Variants in EYA4 observed in about 807,000 individuals in gnomAD.
EYA4 encodes protein phosphatase EYA4.
A neutral mutation model predicts 87.9 loss-of-function variants in EYA4; 31 were observed. The observed-to-expected ratio is 0.35, with a 90% CI of 0.27 to 0.48. The LOEUF (loss-of-function observed/expected upper bound fraction) is 0.48, where lower values mean the gene tolerates loss of function less well. EYA4 is among the 20% of genes least tolerant of loss of function. The pLI, the probability that EYA4 is intolerant of heterozygous loss-of-function variation, is 0.99. For synonymous variants in EYA4, 263 were observed against 270.6 expected (o/e 0.97, Z 0.28); for missense variants, 678 against 761.4 (o/e 0.89, Z 1.29).
At chr6:133,480,403 A>G (rs1055321626) in intron 11 of EYA4, among the ~76,000 whole-genome samples, 2 of 152,192 alleles carry the variant, frequency 1.3e-5, no homozygotes, top group Non-Finnish European at 2.9e-5. Flanking sequence ...AACTGAAGCT[A>G]GATTATGATA....
chr6:133,445,782 G>A (rs558932260), intron 3 of EYA4, among the ~76,000 whole-genome samples: 27 of 151,934 alleles, frequency 1.8e-4, no homozygotes, highest in South Asian at 1.2e-3. Flanking sequence ...GGGTTTCACC[G>A]TGTTAGCCAG....
At chr6:133,487,949 G>GGA (rs1165535454) in intron 13 of EYA4, among the ~76,000 whole-genome samples, 5 of 152,104 alleles carry the variant, frequency 3.3e-5, no homozygotes, top group Admixed American at 6.5e-5. Context: ...CTGATTCCAG[G>GGA]CCATGGCTCT....
chr6:133,367,285 G>A (rs959703198), intron 2 of EYA4, among the ~76,000 whole-genome samples: 98 of 152,292 alleles, frequency 6.4e-4, no homozygotes, highest in African/African-American at 2.2e-3. Flanking sequence ...TAGAAGACAC[G>A]AAGAAAGGAA....
intron 17 of EYA4, among the ~76,000 whole-genome samples, chr6:133,516,143 G>T (rs937835184): frequency 6.6e-6 from 1 of 152,064 alleles, no homozygotes; most frequent in Non-Finnish European, 1.5e-5. Context: ...TCTGAGTTAG[G>T]TGAATAAATA....
intron 2 of EYA4, among the ~76,000 whole-genome samples, chr6:133,364,038 T>C (rs558198838): frequency 6.6e-6 from 1 of 152,338 alleles, no homozygotes; most frequent in South Asian, 2.1e-4. Context: ...AACCTAATGG[T>C]ATCCAGTGGG....
intron 2 of EYA4, among the ~76,000 whole-genome samples, chr6:133,366,694 A>C (rs888282595): frequency 1.3e-5 from 2 of 150,960 alleles, no homozygotes; most frequent in African/African-American, 4.9e-5. Context: ...TGATTTGTTA[A>C]GTGTTTAACT....
chr6:133,332,380 C>CCCACT (rs377433684), intron 2 of EYA4, among the ~76,000 whole-genome samples: 61 of 152,306 alleles, frequency 4.0e-4, no homozygotes, highest in African/African-American at 1.4e-3. Context: ...CAAGGCTTCT[C>CCCACT]CCACTCCTTC....
rs1239110443 is a variant in EYA4, at chr6:133,348,169, C to G, written c.34-34223C>G. Among the ~76,000 whole-genome samples the G allele has an allele frequency of 1.8e-4, 27 of 148,754 alleles. No homozygotes were observed. In the Admixed American group the frequency reaches 1.8e-3, roughly 10 times the overall value. On this transcript the variant is annotated intron_variant, in intron 2 of 19. Transcript: ENST00000355286. The stretch of plus-strand genomic sequence containing the variant: ...AGTAATGCAAAGTTTTCTACCCATT[C>G]TTGCTTAAACATAAATTTTGAAGCC...
At chr6:133,285,146 G>A (rs1004507687) in intron 2 of EYA4, among the ~76,000 whole-genome samples, 4 of 150,448 alleles carry the variant, frequency 2.7e-5, no homozygotes, top group South Asian at 2.1e-4. Flanking sequence ...ACAGGCACCC[G>A]CCACCACGCC....
At chr6:133,385,910 A>G (rs183644855) in intron 3 of EYA4, among the ~76,000 whole-genome samples, 3 of 152,318 alleles carry the variant, frequency 2.0e-5, no homozygotes, top group Admixed American at 6.5e-5. Context: ...TTGAAATAGC[A>G]TTACATGTAT....
intron 3 of EYA4, among the ~76,000 whole-genome samples, chr6:133,437,654 G>T (rs1020215285): frequency 2.6e-5 from 4 of 152,166 alleles, no homozygotes; most frequent in South Asian, 2.1e-4. Flanking sequence ...TTACAGTTCC[G>T]CATGGCTGGG....
Position 133,529,193 on chromosome 6 carries a change from G to A in EYA4, c.*388G>A, listed in dbSNP as rs1042582068. The A allele has an allele frequency of 1.7e-6, 2 of 1,153,610 alleles. No homozygotes were observed. The highest frequency in any genetic ancestry group is 4.2e-5 in the Admixed American group (1 of 23,612). The allele number at this position is 1,153,610 out of a possible 1,614,324, so 71.5% of individuals were successfully genotyped here. A position where few individuals can be genotyped will look rare whatever the true frequency, so the allele number is the denominator to read the frequency against. ...AAATGGGAGATCTTCTCAGCCCTGA[G>A]GTTTGAATCTGACTTTAGCCTACCT... On this transcript the variant is annotated 3_prime_UTR_variant, in exon 20 of 20. Transcript: ENST00000355286.
At chr6:133,474,521 T>C (rs1309376417) in intron 11 of EYA4, among the ~76,000 whole-genome samples, 2 of 152,104 alleles carry the variant, frequency 1.3e-5, no homozygotes, top group Non-Finnish European at 2.9e-5. Flanking sequence ...TCAAGAAATA[T>C]AGTTTGACAT....
At chr6:133,384,551 T>TGTGA (rs1299971192) in intron 3 of EYA4, among the ~76,000 whole-genome samples, 2 of 152,170 alleles carry the variant, frequency 1.3e-5, no homozygotes, top group African/African-American at 4.8e-5. Context: ...TTTCTTAAAA[T>TGTGA]GTGAGATGGA....
chr6:133,320,120 G>A (rs1780962387), intron 2 of EYA4, among the ~76,000 whole-genome samples: 1 of 147,314 alleles, frequency 6.8e-6, no homozygotes, highest in African/African-American at 2.5e-5. Flanking sequence ...ATTCTATTGA[G>A]TTTTCGATGA....
intron 2 of EYA4, among the ~76,000 whole-genome samples, chr6:133,278,239 A>G (rs1182189604): frequency 6.6e-6 from 1 of 151,830 alleles, no homozygotes; most frequent in Non-Finnish European, 1.5e-5. Flanking sequence ...ATTCTTGAAG[A>G]CTCAGTTTAG....
At chr6:133,429,558 G>C (rs1327591655) in intron 3 of EYA4, among the ~76,000 whole-genome samples, 1 of 152,114 alleles carries the variant, frequency 6.6e-6, no homozygotes, top group Admixed American at 6.5e-5. Context: ...ATGAGGAATT[G>C]AGTCTAGTTT....
chr6:133,315,172 AT>A (rs1780529153), intron 2 of EYA4, among the ~76,000 whole-genome samples: 1 of 152,142 alleles, frequency 6.6e-6, no homozygotes, highest in Non-Finnish European at 1.5e-5. Context: ...TCAGAATTTC[AT>A]TTTTGAGGCC....
intron 2 of EYA4, among the ~76,000 whole-genome samples, chr6:133,355,278 G>A (rs138900719): frequency 9.2e-5 from 14 of 151,912 alleles, no homozygotes; most frequent in Admixed American, 5.3e-4. Flanking sequence ...AGTGCCTGTC[G>A]TTCCCCACTA....
Sources: allele counts gnomAD v4.1 joint callset (sites outside exome capture counted in the v4.1 genomes callset), GRCh38; gene constraint gnomAD v4.1.1; transcripts MANE v1.5; gene names NCBI Gene and HGNC (gene_info 2026-07-23, HGNC 2026-07-21).